Variants in PNPT1 observed in about 807,000 individuals in gnomAD.
PNPT1 encodes polyribonucleotide nucleotidyltransferase 1.
PNPT1 carries 53 observed loss-of-function variants against 119.5 expected under a neutral mutation model. That is an observed-to-expected ratio of 0.44 (90% confidence interval 0.36 to 0.56). The LOEUF is 0.56. PNPT1 is among the 20% of genes least tolerant of loss of function. The pLI is 0.00. For missense variants in PNPT1, 948 were observed against 938.5 expected, an observed-to-expected ratio of 1.01 and a Z score of -0.13; for synonymous variants, 357 against 322.1, an observed-to-expected ratio of 1.11 and a Z score of -1.16.
At chr2:55,661,663 C>T (rs1288417238) in intron 14 of PNPT1, among the ~76,000 whole-genome samples, 1 of 152,124 alleles carries the variant, frequency 6.6e-6, no homozygotes, top group African/African-American at 2.4e-5. Flanking sequence ...CCAATCCATT[C>T]AAGATTACCA....
At chr2:55,691,874 ATATATTTTTTTTTTTTTTT>A (rs1697624806) in intron 1 of PNPT1, among the ~76,000 whole-genome samples, 1 of 12,370 alleles carries the variant, frequency 8.1e-5, no homozygotes, top group African/African-American at 1.9e-4. Flanking sequence ...ATATATATAT[ATATATTTTTTTTTTTTTTT>A]TTTTTTTTTG....
rs565965552 is a variant in PNPT1 at position 55,643,220 on chromosome 2, G to C, written c.2014-7C>G. 4 of 1,614,068 alleles carry C rather than the reference G, an allele frequency of 2.5e-6. No homozygotes were observed. Among genetic ancestry groups the C allele is most frequent in the Non-Finnish European group, 3.4e-6 (4 of 1,180,040 alleles). ...ATTCTAATTGCTGCTCCTGCTGTAA[G>C]TGCAAAATAAGCCATAAGATTCATA... On this transcript the variant is annotated splice_region_variant and splice_polypyrimidine_tract_variant and intron_variant, in intron 24 of 27. Coordinates refer to ENST00000447944, the MANE Select transcript of PNPT1 (RefSeq NM_033109.5).
At position 55,636,215 on chromosome 2, in the gene PNPT1, G is replaced by A. The variant is rs757242652; in HGVS notation, c.*22C>T. The A allele has an allele frequency of 9.7e-6, 15 of 1,551,628 alleles. No individual in the cohort carries two copies. The highest frequency in any genetic ancestry group is 1.3e-5 in the Non-Finnish European group (15 of 1,138,970). ...TCACCCTAGACAAAATAGAATTCTA[G>A]AATTCTCTTTAAAAAAAAAAATCAC... is the stretch of plus-strand genomic sequence containing the variant. On this transcript the variant is annotated 3_prime_UTR_variant, in exon 28 of 28. Transcript: ENST00000447944.
At chr2:55,681,879 C>G (rs1043547668) in intron 5 of PNPT1, among the ~76,000 whole-genome samples, 2 of 148,400 alleles carry the variant, frequency 1.3e-5, no homozygotes, top group Non-Finnish European at 3.0e-5. Context: ...CGGTGGCTCA[C>G]GCCTGTAATC....
intron 9 of PNPT1, 93 bp downstream of exon 9, chr2:55,672,800 T>C: frequency 8.4e-7 from 1 of 1,184,792 alleles, no homozygotes; most frequent in Non-Finnish European, 1.2e-6. Context: ...TATGAAGTAA[T>C]GCATGGGCAG....
intron 13 of PNPT1, among the ~76,000 whole-genome samples, chr2:55,662,369 G>T (rs1696605558): frequency 6.6e-6 from 1 of 152,040 alleles, no homozygotes; most frequent in Non-Finnish European, 1.5e-5. Context: ...CAATACAACT[G>T]CCTGCTTAAA....
intron 1 of PNPT1, among the ~76,000 whole-genome samples, chr2:55,692,513 A>T (rs1263403613): frequency 6.6e-6 from 1 of 152,114 alleles, no homozygotes; most frequent in Non-Finnish European, 1.5e-5. Flanking sequence ...ATTAAAGCAA[A>T]CTTTTTTTTT....
Position 55,643,362 on chromosome 2 carries a change from A to G in PNPT1, c.1970T>C (p.Met657Thr). The change falls in exon 24 of 28, where the codon ATG (methionine) becomes ACG (threonine). Residue 657 changes from methionine (M) to threonine (T), a missense_variant. Met to Thr is a moderately conservative substitution (Grantham distance 81). Coordinates refer to ENST00000447944, the MANE Select transcript of PNPT1 (RefSeq NM_033109.5). Reference sequence around the variant, plus strand: ...AGTAATGAAGTCTCTTGCCTCATGCATAGCACTGGGTGTTGGTGCAAATAC... The same window carrying G: ...AGTAATGAAGTCTCTTGCCTCATGCGTAGCACTGGGTGTTGGTGCAAATAC... ...FSVFAPTPSA[M>T]HEARDFITEI... The G allele has an allele frequency of 1.2e-6, 2 of 1,614,262 alleles. No individual in the cohort carries two copies. Among genetic ancestry groups the G allele is most frequent in the Non-Finnish European group, 8.5e-7 (1 of 1,180,042 alleles).
chr2:55,637,873 G>A (rs552761974), intron 26 of PNPT1, among the ~76,000 whole-genome samples: 2 of 151,894 alleles, frequency 1.3e-5, no homozygotes, highest in African/African-American at 2.4e-5. Context: ...GGTGGCGGGC[G>A]CCTGTAGTCC....
rs143287713 is a variant in PNPT1 at position 55,669,248 on chromosome 2, A to T, written c.977-1290T>A. Among the ~76,000 whole-genome samples, 544 of 152,316 alleles carry T rather than the reference A, an allele frequency of 3.6e-3. 3 individuals are homozygous for T. The highest frequency in any genetic ancestry group is 0.011 in the African/African-American group (454 of 41,564). ...AGACCACACAGGTAGTAACTGATAC[A>T]GCTGTGACCTGAATAAAGATCTGTC... On this transcript the variant is annotated intron_variant, in intron 11 of 27. Transcript: ENST00000447944.
intron 3 of PNPT1, 69 bp downstream of exon 3, chr2:55,686,301 C>A: frequency 2.7e-6 from 4 of 1,456,910 alleles, no homozygotes; most frequent in Non-Finnish European, 3.8e-6. Flanking sequence ...AGACACTGGA[C>A]AAAAATATTA....
chr2:55,672,212 A>G (rs1696938089), intron 9 of PNPT1, among the ~76,000 whole-genome samples, 166 bp from the exon 10 acceptor site: 1 of 152,228 alleles, frequency 6.6e-6, no homozygotes, highest in Admixed American at 6.5e-5. Context: ...TAATCTGTTT[A>G]CTATTTATGG....
chr2:55,665,022 G>A (rs1348775042), intron 13 of PNPT1, among the ~76,000 whole-genome samples: 1 of 152,102 alleles, frequency 6.6e-6, no homozygotes, highest in Non-Finnish European at 1.5e-5. Context: ...TGAGGGGATT[G>A]AACAAACAGG....
chr2:55,669,740 C>T (rs568529940), intron 11 of PNPT1, among the ~76,000 whole-genome samples: 1 of 149,658 alleles, frequency 6.7e-6, no homozygotes, highest in South Asian at 2.1e-4. Flanking sequence ...AATTAATGGC[C>T]TTAATATCAA....
rs771368517 is a variant in PNPT1, at chr2:55,689,418, T to G, written c.162-1713A>C. Reference sequence around the variant, plus strand: ...TGACAGCTGTTATGAATGTTCCTTGTAGCATTATTCATAATAGTTCCCAAA... The same window carrying G: ...TGACAGCTGTTATGAATGTTCCTTGGAGCATTATTCATAATAGTTCCCAAA... On this transcript the variant is annotated intron_variant, in intron 1 of 27. Transcript: ENST00000447944. Among the ~76,000 whole-genome samples the G allele has an allele frequency of 2.0e-5, 3 of 152,256 alleles. No individual in the cohort carries two copies. The East Asian group carries it at 5.8e-4, about 29-fold the overall frequency.
chr2:55,673,592 GCGCC>G lies in PNPT1; in HGVS notation c.680-517_680-514del, dbSNP rs1696978097. On this transcript the variant is annotated intron_variant, in intron 8 of 27. Coordinates refer to ENST00000447944, the MANE Select transcript of PNPT1 (RefSeq NM_033109.5). ...GCCTCCCGAGTAGCTGGGACTACAG[GCGCC>G]CGCCACCATGCCCAGCTAATTTTTT... Among the ~76,000 whole-genome samples the G allele has an allele frequency of 2.0e-5, 3 of 151,994 alleles. No homozygotes were observed. The South Asian group carries it at 6.2e-4, about 32-fold the overall frequency.
At chr2:55,657,688 A>C (rs1006682084) in intron 15 of PNPT1, among the ~76,000 whole-genome samples, 1 of 151,660 alleles carries the variant, frequency 6.6e-6, no homozygotes, top group Admixed American at 6.6e-5. Context: ...TCTTAAATGC[A>C]GTGGATGGAG....
intron 13 of PNPT1, among the ~76,000 whole-genome samples, chr2:55,666,079 T>C (rs1003736199): frequency 4.6e-5 from 7 of 152,138 alleles, no homozygotes; most frequent in African/African-American, 1.7e-4. Flanking sequence ...CTCAATTTTG[T>C]ATACCCAATA....
chr2:55,655,082 G>A lies in PNPT1; in HGVS notation c.1442-129C>T, dbSNP rs1696343236. ...ATTCAATAGTCTCTTCTTTTTAAAA[G>A]CAACTAAGGCAAGGTCTTTTAAGCT... On this transcript the variant is annotated intron_variant, in intron 17 of 27. Transcript: ENST00000447944. 5 of 857,342 alleles carry A rather than the reference G, an allele frequency of 5.8e-6. No homozygotes were observed. In the South Asian group the frequency reaches 9.1e-5, roughly 16 times the overall value. 53.1% of individuals were successfully genotyped at this position (857,342 alleles called of 1,614,324 possible).
Sources: allele counts gnomAD v4.1 joint callset (sites outside exome capture counted in the v4.1 genomes callset), GRCh38; gene constraint gnomAD v4.1.1; transcripts MANE v1.5; gene names NCBI Gene and HGNC (gene_info 2026-07-23, HGNC 2026-07-21).